Variants in MRPL48 observed in about 807,000 individuals in gnomAD.
MRPL48 encodes the protein mitochondrial ribosomal protein L48.
MRPL48 carries 16 observed loss-of-function variants against 32.9 expected under a neutral mutation model. That is an observed-to-expected ratio of 0.49 (90% CI 0.33 to 0.74). The LOEUF (loss-of-function observed/expected upper bound fraction) is 0.74, where lower values mean the gene tolerates loss of function less well. Ranked by LOEUF, MRPL48 falls within the 30% of genes least tolerant of loss-of-function variation. The pLI is 0.02. For synonymous variants in MRPL48, 94 were observed against 89.2 expected (o/e 1.05, Z -0.31); for missense variants, 206 against 245.3 (o/e 0.84, Z 1.07).
At chr11:73,803,001 A>G (rs1947385692) in intron 1 of MRPL48, among the ~76,000 whole-genome samples, 1 of 152,096 alleles carries the variant, frequency 6.6e-6, no homozygotes, top group Non-Finnish European at 1.5e-5. Context: ...CTGGCTTATA[A>G]TAGACTTTTT....
chr11:73,859,933 A>T lies in MRPL48; in HGVS notation c.398A>T (p.Glu133Val), dbSNP rs1452629359. 1 of 1,613,752 alleles carries T rather than the reference A, an allele frequency of 6.2e-7. No homozygotes were observed. The highest frequency in any genetic ancestry group is 8.5e-7 in the Non-Finnish European group (1 of 1,179,842). ...TATGCAATGCCAACCAAAACCATAG[A>T]AGTGTTGCAGTTGCAGGACCAAGGC... ...ESYAMPTKTI[E>V]VLQLQDQGSK... Residue 133 changes from glutamate to valine, a missense_variant, in exon 6 of 8, where the codon GAA (glutamate) becomes GTA (valine). Transcript: ENST00000310614.
chr11:73,831,199 C>T lies in MRPL48; in HGVS notation c.201+5403C>T, dbSNP rs187595761. On this transcript the variant is annotated intron_variant, in intron 4 of 7. Coordinates refer to ENST00000310614, the MANE Select transcript of MRPL48 (RefSeq NM_016055.6). ...AACTCTGAATAGTTTCCCATCCCTCCATCCCGTGTCCTTGTCCTTGATGCT... is the reference window on the plus strand; with the variant it reads ...AACTCTGAATAGTTTCCCATCCCTCTATCCCGTGTCCTTGTCCTTGATGCT... Among the ~76,000 whole-genome samples, 412 of 152,230 alleles carry T rather than the reference C, an allele frequency of 2.7e-3. 2 individuals carry two copies. Among genetic ancestry groups the T allele is most frequent in the Non-Finnish European group, 4.7e-3 (322 of 68,008 alleles).
At chr11:73,824,866 G>A (rs1185227324) in intron 3 of MRPL48, among the ~76,000 whole-genome samples, 1 of 152,108 alleles carries the variant, frequency 6.6e-6, no homozygotes, top group African/African-American at 2.4e-5. Flanking sequence ...TGGGGATCGT[G>A]CATATTCTAG....
intron 1 of MRPL48, among the ~76,000 whole-genome samples, chr11:73,793,814 G>A (rs1047711245): frequency 4.0e-5 from 6 of 151,548 alleles, no homozygotes; most frequent in Admixed American, 3.9e-4. Flanking sequence ...TTGAGCTCAG[G>A]AGTTTGAGAC....
At chr11:73,849,960 C>G (rs1331061979) in intron 5 of MRPL48, among the ~76,000 whole-genome samples, 6 of 152,050 alleles carry the variant, frequency 3.9e-5, no homozygotes, top group Admixed American at 3.9e-4. Context: ...ACTAGCCTGG[C>G]TTGGTGGCGT....
chr11:73,826,490 T>C (rs1311337268), intron 4 of MRPL48, among the ~76,000 whole-genome samples: 2 of 152,098 alleles, frequency 1.3e-5, no homozygotes, highest in African/African-American at 2.4e-5. Context: ...TGTTTGTTAG[T>C]TTTTTTGAGA....
At chr11:73,827,097 A>C (rs1443433723) in intron 4 of MRPL48, among the ~76,000 whole-genome samples, 1 of 151,698 alleles carries the variant, frequency 6.6e-6, no homozygotes, top group East Asian at 2.0e-4. Context: ...TTTCAAATCT[A>C]AAATAGGCTG....
intron 5 of MRPL48, among the ~76,000 whole-genome samples, chr11:73,858,031 C>T (rs1050705731): frequency 2.0e-5 from 3 of 152,276 alleles, no homozygotes; most frequent in African/African-American, 7.2e-5. Flanking sequence ...CAGGAATGGA[C>T]AATTCCCACT....
intron 5 of MRPL48, among the ~76,000 whole-genome samples, chr11:73,854,729 A>G (rs1948458053): frequency 6.6e-6 from 1 of 152,178 alleles, no homozygotes; most frequent in Non-Finnish European, 1.5e-5. Context: ...CAACCAAAAC[A>G]CTTTCTTTAA....
intron 5 of MRPL48, among the ~76,000 whole-genome samples, chr11:73,858,124 A>T (rs1346703305): frequency 6.6e-6 from 1 of 152,222 alleles, no homozygotes; most frequent in Non-Finnish European, 1.5e-5. Flanking sequence ...CAATTATTTC[A>T]CTTGAACATC....
chr11:73,836,354 T>C (rs904707181), intron 4 of MRPL48, among the ~76,000 whole-genome samples: 1 of 152,052 alleles, frequency 6.6e-6, no homozygotes, highest in African/African-American at 2.4e-5. Context: ...CACCACCACA[T>C]GCCCAGCTAA....
rs1407712227 is a variant in MRPL48 at position 73,796,905 on chromosome 11, A to AAATAC, written c.22-8119_22-8115dup. ...CATGGTGAGACCCCATCTGTACTAA[A>AAATAC]AATACAAAAAAATTAGCCGAGCGTG... On this transcript the variant is annotated intron_variant, in intron 1 of 7. Coordinates refer to ENST00000310614, the MANE Select transcript of MRPL48 (RefSeq NM_016055.6). Among the ~76,000 whole-genome samples, 23 of 152,264 alleles carry AAATAC rather than the reference A, an allele frequency of 1.5e-4. No individual in the cohort carries two copies. The East Asian group carries it at 4.2e-3, about 28-fold the overall frequency.
chr11:73,844,400 C>T (rs751045183), intron 4 of MRPL48, among the ~76,000 whole-genome samples: 11 of 152,056 alleles, frequency 7.2e-5, no homozygotes, highest in Non-Finnish European at 1.2e-4. Flanking sequence ...CACTGCCACT[C>T]CAGCCTGGGT....
intron 1 of MRPL48, among the ~76,000 whole-genome samples, chr11:73,801,250 A>G (rs978827368): frequency 3.3e-5 from 5 of 152,158 alleles, no homozygotes; most frequent in African/African-American, 1.2e-4. Context: ...TTCTATATGA[A>G]GTGACCCATT....
chr11:73,830,154 C>T (rs1378089204), intron 4 of MRPL48, among the ~76,000 whole-genome samples: 1 of 152,194 alleles, frequency 6.6e-6, no homozygotes, highest in African/African-American at 2.4e-5. Context: ...CAGTGTCCGG[C>T]ACAGGGCCTA....
At chr11:73,812,987 G>A (rs959754918) in intron 3 of MRPL48, among the ~76,000 whole-genome samples, 14 of 151,446 alleles carry the variant, frequency 9.2e-5, no homozygotes, top group African/African-American at 3.4e-4. Context: ...CTGACCTCAG[G>A]TGATCCACCC....
chr11:73,833,363 G>C (rs1388028106), intron 4 of MRPL48, among the ~76,000 whole-genome samples: 1 of 151,998 alleles, frequency 6.6e-6, no homozygotes, highest in Non-Finnish European at 1.5e-5. Context: ...GTCTTGCCCT[G>C]TGTCACCAAA....
chr11:73,830,084 A>G lies in MRPL48; in HGVS notation c.201+4288A>G, dbSNP rs367731210. 3.9e-5 allele frequency among the ~76,000 whole-genome samples: 6 copies of G among 152,216 alleles called. No homozygotes were observed. In the East Asian group the frequency reaches 7.7e-4, roughly 20 times the overall value. On this transcript the variant is annotated intron_variant, in intron 4 of 7. Coordinates refer to ENST00000310614, the MANE Select transcript of MRPL48 (RefSeq NM_016055.6). Reference sequence around the variant, plus strand: ...GCCTTAACCATCTATTTTGATGACTATGTTCTATTTTAGATTATGAGGTCC... The same window carrying G: ...GCCTTAACCATCTATTTTGATGACTGTGTTCTATTTTAGATTATGAGGTCC...
rs1363125703 is a variant in MRPL48 at position 73,864,452 on chromosome 11, G to A, written c.*82G>A. 3 of 1,376,884 alleles carry A rather than the reference G, an allele frequency of 2.2e-6. No homozygotes were observed. Among genetic ancestry groups the A allele is most frequent in the Admixed American group, 3.8e-5 (2 of 52,696 alleles). The allele number at this position is 1,376,884 out of a possible 1,614,324, so 85.3% of individuals were successfully genotyped here. A position where few individuals can be genotyped will look rare whatever the true frequency, so the allele number is the denominator to read the frequency against. On this transcript the variant is annotated 3_prime_UTR_variant, in exon 8 of 8. Coordinates refer to ENST00000310614, the MANE Select transcript of MRPL48 (RefSeq NM_016055.6). ...TTACTGGGTAGTTAGAGTTCATCAG[G>A]AGACCCAACCCTTAGATTTCATAAG...
Sources: allele counts gnomAD v4.1 joint callset (sites outside exome capture counted in the v4.1 genomes callset), GRCh38; gene constraint gnomAD v4.1.1; transcripts MANE v1.5; gene names NCBI Gene and HGNC (gene_info 2026-07-23, HGNC 2026-07-21).